PIK3CB: variants seen among roughly 807,000 people sequenced by gnomAD.
The protein encoded by PIK3CB is phosphatidylinositol 4,5-bisphosphate 3-kinase catalytic subunit beta isoform.
Under a neutral mutation model 136.8 loss-of-function variants are expected in PIK3CB, and 39 were observed. That is an observed-to-expected ratio of 0.29 (90% CI 0.22 to 0.37). The LOEUF is 0.37. Ranked by LOEUF, PIK3CB falls within the 10% of genes least tolerant of loss-of-function variation. The probability of loss-of-function intolerance (pLI) is 1.00; values close to 1 mark genes in which losing one functional copy is unlikely to be tolerated. For missense variants in PIK3CB, 868 were observed against 1,275.4 expected, an observed-to-expected ratio of 0.68 and a Z score of 4.87; for synonymous variants, 428 against 436.6, an observed-to-expected ratio of 0.98 and a Z score of 0.25.
chr3:138,722,156 G>A (rs1478849496), intron 8 of PIK3CB, among the ~76,000 whole-genome samples: 1 of 128,390 alleles, frequency 7.8e-6, no homozygotes, highest in African/African-American at 3.0e-5. Context: ...CTTATTTCCT[G>A]TCAATTAACT....
intron 8 of PIK3CB, among the ~76,000 whole-genome samples, chr3:138,730,679 T>C (rs941470289): frequency 6.6e-6 from 1 of 152,076 alleles, no homozygotes; most frequent in Non-Finnish European, 1.5e-5. Context: ...TCCCAGTGCT[T>C]TGAGAGGCCA....
chr3:138,652,860 C>CAT lies in PIK3CB; in HGVS notation c.*2527_*2528dup, dbSNP rs2043142051. Reference sequence around the variant, plus strand: ...CTGTATCAAAATATTCCATGTACCCCATATATATATCTACTATGTACTCAC... The same window carrying CAT: ...CTGTATCAAAATATTCCATGTACCCCATATATATATATCTACTATGTACTCAC... On this transcript the variant is annotated 3_prime_UTR_variant, in exon 24 of 24. Transcript: ENST00000674063. 9.3e-6 allele frequency: 2 copies of CAT among 215,974 alleles called. No individual in the cohort carries two copies. The highest frequency in any genetic ancestry group is 2.3e-5 in the African/African-American group (1 of 44,386). 13.4% of individuals were successfully genotyped at this position (215,974 alleles called of 1,614,324 possible). A position where few individuals can be genotyped will look rare whatever the true frequency, so the allele number is the denominator to read the frequency against.
At chr3:138,827,824 A>C (rs1933850901) in intron 1 of PIK3CB, among the ~76,000 whole-genome samples, 1 of 147,720 alleles carries the variant, frequency 6.8e-6, no homozygotes, top group Non-Finnish European at 1.5e-5. Flanking sequence ...CTAAAAAAAT[A>C]CAAAAAAAAA....
At chr3:138,662,227 C>T (rs1398275932) in intron 21 of PIK3CB, among the ~76,000 whole-genome samples, 1 of 149,364 alleles carries the variant, frequency 6.7e-6, no homozygotes, top group African/African-American at 2.5e-5. Flanking sequence ...CGTCCTTTAG[C>T]ATTAGGTATA....
At chr3:138,813,486 C>G (rs1933168856) in intron 1 of PIK3CB, among the ~76,000 whole-genome samples, 1 of 146,884 alleles carries the variant, frequency 6.8e-6, no homozygotes, top group African/African-American at 2.5e-5. Flanking sequence ...GGCTGAAGTG[C>G]AGTGGCACGA....
intron 2 of PIK3CB, among the ~76,000 whole-genome samples, chr3:138,789,448 G>C (rs2108810475): frequency 6.6e-6 from 1 of 152,200 alleles, no homozygotes; most frequent in Non-Finnish European, 1.5e-5. Context: ...GACAGAGTGA[G>C]ACCCTATCTC....
intron 2 of PIK3CB, among the ~76,000 whole-genome samples, chr3:138,760,570 A>T (rs994327709): frequency 6.6e-6 from 1 of 152,220 alleles, no homozygotes; most frequent in African/African-American, 2.4e-5. Flanking sequence ...AAATGAACCA[A>T]GGTTCATTTA....
rs146470519 is a variant in PIK3CB at position 138,757,478 on chromosome 3, A to AACACAC, written c.172-1505_172-1500dup. On this transcript the variant is annotated intron_variant, in intron 3 of 23. Coordinates refer to ENST00000674063, the MANE Select transcript of PIK3CB (RefSeq NM_006219.3). The stretch of plus-strand genomic sequence containing the variant: ...ACATCCATTAGGATGGATACTATTA[A>AACACAC]ACACACACACACACACACACACACA... Among the ~76,000 whole-genome samples the AACACAC allele has an allele frequency of 9.4e-3, 1,278 of 136,398 alleles. 15 individuals carry two copies. The highest frequency in any genetic ancestry group is 0.03 in the African/African-American group (1,090 of 35,886). 89.5% of individuals were successfully genotyped at this position (136,398 alleles called of 152,430 possible).
intron 8 of PIK3CB, among the ~76,000 whole-genome samples, chr3:138,722,692 T>C (rs115813957): frequency 0.033 from 4,531 of 136,754 alleles, 233 homozygotes; most frequent in African/African-American, 0.12. Context: ...CTATAAAAGC[T>C]CAAAAAAAAA....
At chr3:138,826,329 A>C in intron 1 of PIK3CB, 1 of 1,597,314 alleles carries the variant, frequency 6.3e-7, no homozygotes, top group Non-Finnish European at 8.5e-7. Flanking sequence ...AGGCTAAATG[A>C]ATATTATCCC....
chr3:138,765,510 A>T (rs1302659509), intron 2 of PIK3CB, among the ~76,000 whole-genome samples: 6 of 152,076 alleles, frequency 3.9e-5, no homozygotes, highest in Non-Finnish European at 5.9e-5. Context: ...ATACATAGAT[A>T]AAATGCCATA....
intron 12 of PIK3CB, among the ~76,000 whole-genome samples, chr3:138,701,521 T>C (rs554975921): frequency 6.6e-6 from 1 of 152,230 alleles, no homozygotes; most frequent in South Asian, 2.1e-4. Context: ...GCGTGGTGGC[T>C]GACGCCTGTA....
chr3:138,801,637 G>A (rs1319478530), intron 1 of PIK3CB, among the ~76,000 whole-genome samples: 1 of 151,908 alleles, frequency 6.6e-6, no homozygotes, highest in Admixed American at 6.6e-5. Context: ...TTGGGAGGCC[G>A]AGGCAGGTGG....
intron 8 of PIK3CB, among the ~76,000 whole-genome samples, chr3:138,715,039 C>T (rs886960259): frequency 7.9e-5 from 12 of 152,222 alleles, no homozygotes; most frequent in African/African-American, 2.6e-4. Flanking sequence ...CTAAAGAAAC[C>T]GTGACAGTAA....
chr3:138,751,928 G>A (rs1035733447), intron 4 of PIK3CB, among the ~76,000 whole-genome samples: 2 of 144,198 alleles, frequency 1.4e-5, no homozygotes, highest in East Asian at 2.0e-4. Context: ...CCAAGATCAC[G>A]CCACTGCACT....
chr3:138,833,702 GAA>G (rs977141991), intron 1 of PIK3CB, among the ~76,000 whole-genome samples: 8 of 152,120 alleles, frequency 5.3e-5, no homozygotes, highest in African/African-American at 9.7e-5. Flanking sequence ...TAGCAATGCA[GAA>G]AAAAGAGTCT....
At chr3:138,705,953 A>G (rs1403825879) in intron 11 of PIK3CB, among the ~76,000 whole-genome samples, 1 of 152,126 alleles carries the variant, frequency 6.6e-6, no homozygotes, top group Non-Finnish European at 1.5e-5. Context: ...GGGTCTCTCT[A>G]TGTTGTCCAG....
In PIK3CB at chr3:138,791,435, G is replaced by A. The variant is rs2046046674; in HGVS notation, c.-17+5028C>T. ...CAGGCGTGAGCCACTGCACCTGGCG[G>A]CCTCACAATTCTTCAGCCTGAAGTT... On this transcript the variant is annotated intron_variant, in intron 2 of 23. Transcript: ENST00000674063. Among the ~76,000 whole-genome samples the A allele has an allele frequency of 2.0e-5, 3 of 152,108 alleles. No individual in the cohort carries two copies. The South Asian group carries it at 6.2e-4, about 32-fold the overall frequency.
In PIK3CB at chr3:138,696,613, C is replaced by T. The variant is rs76150683; in HGVS notation, c.1771-1706G>A. ...CATGAAAAGATGTACCATGTATCTACGGAATCAAAATCTCATGGGTTATTG... is the reference window on the plus strand; with the variant it reads ...CATGAAAAGATGTACCATGTATCTATGGAATCAAAATCTCATGGGTTATTG... On this transcript the variant is annotated intron_variant, in intron 13 of 23. Coordinates refer to ENST00000674063, the MANE Select transcript of PIK3CB (RefSeq NM_006219.3). Among the ~76,000 whole-genome samples, 1,305 of 152,082 alleles carry T rather than the reference C, an allele frequency of 8.6e-3. 27 individuals are homozygous for T. Among genetic ancestry groups the T allele is most frequent in the African/African-American group, 0.029 (1,184 of 41,460 alleles).
Sources: allele counts gnomAD v4.1 joint callset (sites outside exome capture counted in the v4.1 genomes callset), GRCh38; gene constraint gnomAD v4.1.1; transcripts MANE v1.5; gene names NCBI Gene and HGNC (gene_info 2026-07-23, HGNC 2026-07-21).